Variants in POLR3E observed in about 807,000 individuals in gnomAD.
The protein encoded by POLR3E is RNA polymerase III subunit E.
POLR3E carries 41 observed loss-of-function variants against 96.6 expected under a neutral mutation model. That is an observed-to-expected ratio of 0.42 (90% CI 0.33 to 0.55). The LOEUF is 0.55. Ranked by LOEUF, POLR3E falls within the 20% of genes least tolerant of loss-of-function variation. The pLI, the probability that POLR3E is intolerant of heterozygous loss-of-function variation, is 0.06. For missense variants in POLR3E, 849 were observed against 952.1 expected (o/e 0.89, Z 1.43); for synonymous variants, 396 against 383.6 (o/e 1.03, Z -0.38).
chr16:22,309,549 T>C (rs374580430), intron 6 of POLR3E, 39 bp downstream of exon 6: 10 of 1,402,538 alleles, frequency 7.1e-6, no homozygotes, highest in Admixed American at 1.7e-5. Flanking sequence ...GGACATGGCA[T>C]TGGGGGGGGC....
Position 22,298,308 on chromosome 16 carries a change from C to G in POLR3E, c.-39+771C>G, listed in dbSNP as rs557148465. Among the ~76,000 whole-genome samples the G allele has an allele frequency of 2.8e-4, 42 of 152,308 alleles. 1 individual carries two copies. The South Asian group carries it at 8.7e-3, about 32-fold the overall frequency. ...GGTTGTGGTGACGGCTCAGTAGAAA[C>G]CGGGTGACGCTCCTGCTTGCAGCGT... On this transcript the variant is annotated intron_variant, in intron 1 of 20. Coordinates refer to ENST00000299853, the MANE Select transcript of POLR3E (RefSeq NM_018119.4).
At chr16:22,312,171 G>A (rs1235042271) in intron 6 of POLR3E, among the ~76,000 whole-genome samples, 1 of 152,122 alleles carries the variant, frequency 6.6e-6, no homozygotes. Context: ...TGGTTGTGCT[G>A]GCTGCACAGC....
intron 9 of POLR3E, 58 bp downstream of exon 9, chr16:22,315,266 G>C: frequency 3.3e-6 from 5 of 1,527,116 alleles, no homozygotes; most frequent in Non-Finnish European, 4.4e-6. Context: ...AAGGGTCATG[G>C]TGTGGCCTCC....
Position 22,309,462 on chromosome 16 carries a change from C to A in POLR3E, c.316C>A (p.Gln106Lys). Residue 106 changes from glutamine (Q) to lysine (K), a missense_variant, in exon 6 of 21, where the codon CAG (glutamine) becomes AAG (lysine). Gln to Lys is a moderately conservative substitution (Grantham distance 53). Coordinates refer to ENST00000299853, the MANE Select transcript of POLR3E (RefSeq NM_018119.4). Reference protein sequence around the residue: ...LMDKQTFCSSQTTSNTSRYAA... With the variant: ...LMDKQTFCSSKTTSNTSRYAA... ...GGACAAGCAGACCTTCTGCTCTTCCCAGACCACCAGTAACACATCCCGTTA... is the reference window on the plus strand; with the variant it reads ...GGACAAGCAGACCTTCTGCTCTTCCAAGACCACCAGTAACACATCCCGTTA... 1 of 1,613,962 alleles carries A rather than the reference C, an allele frequency of 6.2e-7. No individual in the cohort carries two copies. Among genetic ancestry groups the A allele is most frequent in the Non-Finnish European group, 8.5e-7 (1 of 1,179,952 alleles).
In POLR3E at chr16:22,313,840, A is replaced by G. The variant is rs575645305; in HGVS notation, c.472+113A>G. ...ATGTTTAGCAGGATCCCTGGCCTCT[A>G]CCTACTAGATGCCAGAAGCACCCAC... is the stretch of plus-strand genomic sequence containing the variant. On this transcript the variant is annotated intron_variant, in intron 7 of 20. Transcript: ENST00000299853. This position sits in a 1 kb window ranked among gnomAD's most constrained non-coding sequence, Gnocchi z 4.1. 3.8e-5 allele frequency: 29 copies of G among 761,808 alleles called. No homozygotes were observed. In the African/African-American group the frequency reaches 4.8e-4, roughly 13 times the overall value. The allele number at this position is 761,808 out of a possible 1,614,324, so 47.2% of individuals were successfully genotyped here.
chr16:22,324,315 C>T lies in POLR3E; in HGVS notation c.1069-39C>T, dbSNP rs200403265. 1.7e-4 allele frequency: 263 copies of T among 1,577,232 alleles called. 1 individual carries two copies. The African/African-American group carries it at 2.3e-3, about 14-fold the overall frequency. ...TCCCGGGACAGTCCTGGGAGCAGTC[C>T]GTGGCCGCCCCTGGAATGTGCTGCT... On this transcript the variant is annotated intron_variant, in intron 14 of 20. Transcript: ENST00000299853.
At chr16:22,309,349 G>C (rs1220656293) in intron 5 of POLR3E, 79 bp from the exon 6 acceptor site, 1 of 1,076,050 alleles carries the variant, frequency 9.3e-7, no homozygotes, top group Non-Finnish European at 1.4e-6. Flanking sequence ...AAAGTGTCTA[G>C]GGGGTGGGGT....
chr16:22,311,406 T>C (rs1271094650), intron 6 of POLR3E, among the ~76,000 whole-genome samples: 2 of 151,942 alleles, frequency 1.3e-5, no homozygotes, highest in Non-Finnish European at 2.9e-5. Context: ...GCTTGTCCTA[T>C]AAGCTGGTTT....
At chr16:22,325,598 C>T (rs563309061) in intron 17 of POLR3E, among the ~76,000 whole-genome samples, 163 bp from the exon 18 acceptor site, 14 of 152,266 alleles carry the variant, frequency 9.2e-5, no homozygotes, top group Non-Finnish European at 1.9e-4. Flanking sequence ...ACTCTCGGCA[C>T]GCTGGGACGG....
intron 3 of POLR3E, among the ~76,000 whole-genome samples, chr16:22,307,292 C>T (rs2048153335): frequency 6.6e-6 from 1 of 152,162 alleles, no homozygotes; most frequent in Admixed American, 6.5e-5. Flanking sequence ...GCCCCCAGCC[C>T]CAGCCCAGGA....
chr16:22,324,417 A>C lies in POLR3E; in HGVS notation c.1128+4A>C. The C allele has an allele frequency of 6.2e-7, 1 of 1,612,034 alleles. No homozygotes were observed. On this transcript the variant is annotated splice_donor_region_variant and intron_variant, in intron 15 of 20. Transcript: ENST00000299853. ...AGAGGTGGCAACCGTGACCAAAGTA[A>C]GTGGCGTTTTTGTGGTCTGAGGCCC...
intron 3 of POLR3E, 135 bp downstream of exon 3, chr16:22,305,341 G>A (rs772834645): frequency 4.0e-6 from 3 of 755,058 alleles, no homozygotes; most frequent in East Asian, 2.5e-5. Flanking sequence ...GGGTCTCTTT[G>A]CTTTCGTGGG....
chr16:22,328,651 C>A, intron 19 of POLR3E, 64 bp downstream of exon 19: 2 of 1,358,734 alleles, frequency 1.5e-6, no homozygotes, highest in Non-Finnish European at 2.1e-6. Context: ...CGTTGGAGGC[C>A]TTGGGGGACA....
At chr16:22,309,532 G>A (rs780304873) in intron 6 of POLR3E, 22 bp downstream of exon 6, 65 of 1,567,220 alleles carry the variant, frequency 4.1e-5, no homozygotes, top group Non-Finnish European at 5.0e-5. Flanking sequence ...TGGGTGTCCC[G>A]CGGTGGGGAC....
At chr16:22,328,624 AG>A (rs763379386) in intron 19 of POLR3E, 37 bp downstream of exon 19, 3 of 1,576,474 alleles carry the variant, frequency 1.9e-6, no homozygotes, top group Non-Finnish European at 2.6e-6. Flanking sequence ...CCGAAGAGCC[AG>A]GGGGGTTTCC....
chr16:22,331,844 T>C (rs1304514102), intron 19 of POLR3E: 2 of 468,882 alleles, frequency 4.3e-6, no homozygotes, highest in South Asian at 5.2e-5. Context: ...TTTCCAGACA[T>C]AGCATTAATG....
At chr16:22,310,155 A>G (rs1598246810) in intron 6 of POLR3E, 1 of 153,374 alleles carries the variant, frequency 6.5e-6, no homozygotes, top group African/African-American at 2.4e-5. Context: ...GACCGACCAC[A>G]TACTCAACGG....
chr16:22,306,858 C>T (rs1267389327), intron 3 of POLR3E, among the ~76,000 whole-genome samples: 1 of 152,214 alleles, frequency 6.6e-6, no homozygotes, highest in Non-Finnish European at 1.5e-5. Context: ...CACATGAGAA[C>T]GTGAGGCACA....
intron 13 of POLR3E, among the ~76,000 whole-genome samples, chr16:22,320,599 A>G (rs1048532371): frequency 4.6e-5 from 7 of 152,128 alleles, no homozygotes; most frequent in Non-Finnish European, 7.3e-5. Flanking sequence ...CAGCCCCATA[A>G]GACATTACTG....
Sources: gnomAD v4.1 joint callset for allele counts (sites outside exome capture counted in the v4.1 genomes callset) on GRCh38, gnomAD v4.1.1 for gene constraint, Gnocchi (gnomAD v3.1) non-coding constraint, MANE v1.5 for transcripts, NCBI Gene and HGNC (gene_info 2026-07-23, HGNC 2026-07-21) for gene names.